The following NRCAM variants were observed in gnomAD, a reference collection of about 807,000 sequenced individuals.
The protein encoded by NRCAM is neuronal cell adhesion molecule, also known as NgCAM-related cell adhesion molecule.
A neutral mutation model predicts 156.5 loss-of-function variants in NRCAM; 83 were observed. The ratio of observed to expected loss-of-function variants is 0.53; its 90% CI spans 0.44 to 0.64. The LOEUF (loss-of-function observed/expected upper bound fraction) is 0.64. Ranked by LOEUF, NRCAM falls within the 30% of genes least tolerant of loss-of-function variation. The probability of loss-of-function intolerance (pLI) is 0.00; values close to 1 mark genes in which losing one functional copy is unlikely to be tolerated. For synonymous variants in NRCAM, 538 were observed against 563.9 expected (o/e 0.95, Z 0.65); for missense variants, 1,417 against 1,597.3 (o/e 0.89, Z 1.92).
intron 2 of NRCAM, among the ~76,000 whole-genome samples, chr7:108,324,409 G>A (rs933475341): frequency 1.3e-5 from 2 of 152,044 alleles, no homozygotes; most frequent in African/African-American, 2.4e-5. Flanking sequence ...ATTCCTCCCT[G>A]TCAATAATAA....
intron 3 of NRCAM, among the ~76,000 whole-genome samples, chr7:108,304,494 T>C (rs1047218190): frequency 6.6e-6 from 1 of 152,140 alleles, no homozygotes; most frequent in Non-Finnish European, 1.5e-5. Context: ...ATCTGGCTCT[T>C]TTTGCATTTT....
intron 1 of NRCAM, among the ~76,000 whole-genome samples, chr7:108,434,185 C>T (rs1453605923): frequency 6.6e-6 from 1 of 152,160 alleles, no homozygotes; most frequent in African/African-American, 2.4e-5. Flanking sequence ...CCACAACCCC[C>T]ATCCCCGGCT....
chr7:108,388,292 C>T (rs2099747904), intron 2 of NRCAM, among the ~76,000 whole-genome samples: 2 of 152,180 alleles, frequency 1.3e-5, no homozygotes, highest in South Asian at 4.1e-4. Context: ...TTTTGATTTG[C>T]ATTTCCCTGA....
At chr7:108,231,242 G>T in intron 7 of NRCAM, 89 bp from the exon 8 acceptor site, 5 of 885,552 alleles carry the variant, frequency 5.6e-6, no homozygotes, top group Non-Finnish European at 8.2e-6. Flanking sequence ...CTGAAGTTTT[G>T]GAGAAATAAT....
At chr7:108,408,338 G>C (rs1791088367) in intron 1 of NRCAM, among the ~76,000 whole-genome samples, 1 of 152,178 alleles carries the variant, frequency 6.6e-6, no homozygotes, top group South Asian at 2.1e-4. Context: ...ATTTGTCTAG[G>C]AAGAACTAAA....
rs767994883 is a variant in NRCAM at position 108,184,363 on chromosome 7, G to A, written c.2234-52C>T. On this transcript the variant is annotated intron_variant, in intron 21 of 32. Transcript: ENST00000379028. Reference sequence around the variant, plus strand: ...TAAGCTTTGGCCTTTTGCGAAGAGTGGAAAACTTTTTTATTATATTTCGTA... The same window carrying A: ...TAAGCTTTGGCCTTTTGCGAAGAGTAGAAAACTTTTTTATTATATTTCGTA... The A allele has an allele frequency of 2.5e-5, 40 of 1,613,134 alleles. No homozygotes were observed. In the Admixed American group the frequency reaches 6.3e-4, roughly 26 times the overall value.
intron 2 of NRCAM, among the ~76,000 whole-genome samples, chr7:108,374,152 A>G (rs1192638664): frequency 2.0e-5 from 3 of 152,174 alleles, no homozygotes; most frequent in African/African-American, 7.2e-5. Flanking sequence ...ATTCCTGAAA[A>G]GTACATGAGA....
intron 2 of NRCAM, among the ~76,000 whole-genome samples, chr7:108,368,231 C>CCT (rs1422374597): frequency 9.4e-6 from 1 of 106,222 alleles, no homozygotes; most frequent in African/African-American, 3.4e-5. Flanking sequence ...CATACCCCCC[C>CCT]CCACCCCCCC....
At position 108,194,090 on chromosome 7, in the gene NRCAM, T is replaced by A. The variant is rs777675836; in HGVS notation, c.1712A>T (p.His571Leu). The change falls in exon 17 of 33, where the codon CAT (histidine) becomes CTT (leucine). Residue 571 changes from histidine to leucine, a missense_variant. Physicochemically the swap from His to Leu is moderately conservative, Grantham distance 99 (BLOSUM62 -3). Transcript: ENST00000379028. ...GACAGTGAGGGATAAGGTGTGATCA[T>A]GTTTCACTTTGCATTCAAAGGACAC... ...SMVSFECKVK[H>L]DHTLSLTVLW... is the part of the protein sequence containing the mutation. 6.2e-7 allele frequency: 1 copy of A among 1,614,214 alleles called. No homozygotes were observed. The highest frequency in any genetic ancestry group is 1.7e-5 in the Admixed American group (1 of 60,034).
At chr7:108,249,540 T>C (rs2096204888) in intron 3 of NRCAM, among the ~76,000 whole-genome samples, 2 of 152,206 alleles carry the variant, frequency 1.3e-5, no homozygotes, top group South Asian at 4.1e-4. Context: ...CGAGTGGCCA[T>C]TTGTTTGCAA....
chr7:108,169,524 A>T (rs1440752042), intron 28 of NRCAM, among the ~76,000 whole-genome samples: 3 of 152,234 alleles, frequency 2.0e-5, no homozygotes, highest in Non-Finnish European at 4.4e-5. Flanking sequence ...TACATTTCTT[A>T]GAATTAAGAA....
intron 2 of NRCAM, among the ~76,000 whole-genome samples, chr7:108,357,317 T>C (rs1043298624): frequency 1.1e-4 from 16 of 151,538 alleles, no homozygotes; most frequent in Admixed American, 9.3e-4. Flanking sequence ...AAGTACTCTT[T>C]TGTTAGGTGG....
intron 2 of NRCAM, among the ~76,000 whole-genome samples, chr7:108,341,860 T>A (rs1563343058): frequency 6.6e-6 from 1 of 152,182 alleles, no homozygotes; most frequent in Non-Finnish European, 1.5e-5. Flanking sequence ...TAGTGCAAGA[T>A]CTCAGGATTA....
chr7:108,418,575 A>G (rs1316686178), intron 1 of NRCAM, among the ~76,000 whole-genome samples: 1 of 151,278 alleles, frequency 6.6e-6, no homozygotes, highest in East Asian at 2.0e-4. Context: ...ACACACACAC[A>G]CACACACACA....
intron 6 of NRCAM, among the ~76,000 whole-genome samples, chr7:108,233,940 C>G (rs2094608745): frequency 6.6e-6 from 1 of 152,180 alleles, no homozygotes; most frequent in Admixed American, 6.6e-5. Context: ...ATTGGTTGGA[C>G]TGGGTTATCT....
chr7:108,189,581 G>A, intron 20 of NRCAM, 64 bp downstream of exon 20: 1 of 756,620 alleles, frequency 1.3e-6, no homozygotes, highest in South Asian at 1.5e-5. Context: ...TCAGCTGACT[G>A]TTACAAAGTG....
chr7:108,247,013 G>A (rs1314350297), intron 3 of NRCAM, among the ~76,000 whole-genome samples: 3 of 152,068 alleles, frequency 2.0e-5, no homozygotes, highest in Admixed American at 6.6e-5. Flanking sequence ...TGGGAAGTAT[G>A]AGCCATACTA....
chr7:108,383,294 A>G (rs2099710194), intron 2 of NRCAM, among the ~76,000 whole-genome samples: 1 of 152,258 alleles, frequency 6.6e-6, no homozygotes, highest in Non-Finnish European at 1.5e-5. Flanking sequence ...TTTAAAAATA[A>G]CAAATTACAA....
intron 13 of NRCAM, among the ~76,000 whole-genome samples, chr7:108,206,088 C>T (rs926158559): frequency 1.2e-4 from 19 of 152,230 alleles, no homozygotes; most frequent in Admixed American, 1.0e-3. Flanking sequence ...CCCAGGAATA[C>T]ACTTCCTTCT....
Sources: gnomAD v4.1 joint callset for allele counts (sites outside exome capture counted in the v4.1 genomes callset) on GRCh38, gnomAD v4.1.1 for gene constraint, MANE v1.5 for transcripts, NCBI Gene and HGNC (gene_info 2026-07-23, HGNC 2026-07-21) for gene names.